Variants in CEP85L observed in about 807,000 individuals in gnomAD.
CEP85L encodes the protein centrosomal protein of 85 kDa-like.
In CEP85L, 60 loss-of-function variants were observed where a neutral mutation model predicts 100.3. The observed-to-expected ratio is 0.60, with a 90% CI of 0.49 to 0.74. The LOEUF is 0.74. Among genes scored for constraint, CEP85L ranks in the 30% least tolerant of loss-of-function variants. The pLI, the probability that CEP85L is intolerant of heterozygous loss-of-function variation, is 0.00. For synonymous variants in CEP85L, 319 were observed against 322.7 expected, an observed-to-expected ratio of 0.99 and a Z score of 0.12; for missense variants, 973 against 936.2, an observed-to-expected ratio of 1.04 and a Z score of -0.51.
chr6:118,528,229 A>T (rs1166147406), intron 3 of CEP85L, among the ~76,000 whole-genome samples: 4 of 139,076 alleles, frequency 2.9e-5, no homozygotes, highest in African/African-American at 7.9e-5. Context: ...TTTTTTTTTT[A>T]ACGTTTCTTG....
chr6:118,634,799 C>T (rs1439573722), intron 1 of CEP85L, among the ~76,000 whole-genome samples: 1 of 152,098 alleles, frequency 6.6e-6, no homozygotes, highest in East Asian at 1.9e-4. Context: ...AAAATGGCAA[C>T]CAGCCTAGTC....
chr6:118,600,367 G>A (rs945427702), intron 2 of CEP85L, among the ~76,000 whole-genome samples: 1 of 126,962 alleles, frequency 7.9e-6, no homozygotes, highest in East Asian at 2.3e-4. Flanking sequence ...GTGTGTGTGT[G>A]TGTAACGCCA....
chr6:118,678,961 T>G (rs1776564242), intron 1 of CEP85L, among the ~76,000 whole-genome samples: 1 of 152,212 alleles, frequency 6.6e-6, no homozygotes, highest in Non-Finnish European at 1.5e-5. Flanking sequence ...ATTTCCTTTC[T>G]CCCCACTCTT....
In CEP85L at chr6:118,663,285, C is replaced by G. The variant is rs1776032397; in HGVS notation, c.-27-10477G>C. On this transcript the variant is annotated intron_variant, in intron 1 of 13. Coordinates refer to the CEP85L transcript ENST00000368488. The stretch of plus-strand genomic sequence containing the variant: ...CCTAAGGGAAAAAAATCAAAATGTA[C>G]ATGTGCATACAGAAACATACACACT... Among the ~76,000 whole-genome samples the G allele has an allele frequency of 2.0e-5, 3 of 152,112 alleles. No individual in the cohort carries two copies. In the South Asian group the frequency reaches 6.2e-4, roughly 31 times the overall value.
intron 2 of CEP85L, among the ~76,000 whole-genome samples, chr6:118,577,387 G>A (rs1381175585): frequency 2.0e-5 from 3 of 152,126 alleles, no homozygotes; most frequent in Non-Finnish European, 4.4e-5. Context: ...AAGGACAATC[G>A]TGAAAAAAGA....
At chr6:118,580,152 C>G (rs950044794) in intron 2 of CEP85L, among the ~76,000 whole-genome samples, 2 of 152,180 alleles carry the variant, frequency 1.3e-5, no homozygotes, top group African/African-American at 2.4e-5. Context: ...GGTTCCCTCT[C>G]TCAGCTTGGA....
intron 2 of CEP85L, among the ~76,000 whole-genome samples, chr6:118,610,737 G>T (rs1458829645): frequency 2.7e-5 from 4 of 150,236 alleles, no homozygotes; most frequent in South Asian, 2.1e-4. Flanking sequence ...TCTGAAAACT[G>T]AAGAAAAAAA....
chr6:118,627,446 C>T (rs1013563961), intron 2 of CEP85L, among the ~76,000 whole-genome samples: 1 of 152,190 alleles, frequency 6.6e-6, no homozygotes, highest in Non-Finnish European at 1.5e-5. Flanking sequence ...CCAAAGAGAA[C>T]TGAGGTCACA....
chr6:118,563,093 T>C (rs1463426077), intron 3 of CEP85L, among the ~76,000 whole-genome samples: 1 of 152,174 alleles, frequency 6.6e-6, no homozygotes, highest in Non-Finnish European at 1.5e-5. Context: ...ATAAGTGTGA[T>C]GTACTACCGA....
At chr6:118,709,528 T>G (rs1777712733) in intron 1 of CEP85L, among the ~76,000 whole-genome samples, 1 of 143,624 alleles carries the variant, frequency 7.0e-6, no homozygotes, top group Admixed American at 7.2e-5. Context: ...GTAACAACAA[T>G]TGGCGTGTGT....
chr6:118,653,150 G>T (rs572576804), upstream of CEP85L, among the ~76,000 whole-genome samples: 2 of 152,006 alleles, frequency 1.3e-5, no homozygotes, highest in South Asian at 2.1e-4. Context: ...AAAGAAAATC[G>T]TTTACTCGGG....
rs534914682 is a variant in CEP85L at position 118,707,075 on chromosome 6, A to G, written c.-28+2961T>C. Among the ~76,000 whole-genome samples, 4 of 152,146 alleles carry G rather than the reference A, an allele frequency of 2.6e-5. No homozygotes were observed. In the East Asian group the frequency reaches 7.7e-4, roughly 29 times the overall value. On this transcript the variant is annotated intron_variant, in intron 1 of 13. Coordinates refer to the CEP85L transcript ENST00000368488. ...TGAGCCCAGGCTATCTCTCCTGGAG[A>G]GAGATCACAACTCTGCCATGGATGC...
At chr6:118,544,907 C>T (rs568328006) in intron 3 of CEP85L, among the ~76,000 whole-genome samples, 13 of 152,198 alleles carry the variant, frequency 8.5e-5, no homozygotes, top group African/African-American at 7.2e-5. Flanking sequence ...AATTCTTATT[C>T]GCAGTTTTGC....
intron 2 of CEP85L, among the ~76,000 whole-genome samples, chr6:118,627,839 T>C (rs566487994): frequency 1.8e-4 from 28 of 152,342 alleles, no homozygotes; most frequent in Admixed American, 5.2e-4. Context: ...TTTGTAGTTT[T>C]AACAGAGCCT....
intron 3 of CEP85L, among the ~76,000 whole-genome samples, chr6:118,524,150 T>C (rs1290864130): frequency 5.3e-5 from 8 of 152,146 alleles, no homozygotes; most frequent in Admixed American, 1.3e-4. Flanking sequence ...ACGTTTATCC[T>C]GGCAAATTAT....
chr6:118,496,207 TTG>T (rs2114634428), intron 5 of CEP85L, among the ~76,000 whole-genome samples: 1 of 152,236 alleles, frequency 6.6e-6, no homozygotes, highest in East Asian at 1.9e-4. Flanking sequence ...TAGCAACATT[TTG>T]CAGGATATCC....
At chr6:118,694,815 G>A (rs932427543) in intron 1 of CEP85L, among the ~76,000 whole-genome samples, 3 of 152,170 alleles carry the variant, frequency 2.0e-5, no homozygotes, top group Admixed American at 6.5e-5. Flanking sequence ...ATTGGCAGTT[G>A]CCATATAGCA....
chr6:118,519,660 T>C (rs895416502), intron 4 of CEP85L, among the ~76,000 whole-genome samples: 3 of 141,866 alleles, frequency 2.1e-5, no homozygotes, highest in East Asian at 2.2e-4. Flanking sequence ...AAGTAATAAA[T>C]AGCCCTATGT....
chr6:118,551,220 T>C (rs1419187278), intron 3 of CEP85L, among the ~76,000 whole-genome samples: 6 of 151,734 alleles, frequency 4.0e-5, no homozygotes, highest in Non-Finnish European at 8.9e-5. Context: ...TGTTACCAAA[T>C]AAACACATGA....
Sources: gnomAD v4.1 joint callset for allele counts (sites outside exome capture counted in the v4.1 genomes callset) on GRCh38, gnomAD v4.1.1 for gene constraint, MANE v1.5 for transcripts, NCBI Gene and HGNC (gene_info 2026-07-23, HGNC 2026-07-21) for gene names.